The following PPP1R9A variants were observed in gnomAD, a reference collection of about 807,000 sequenced individuals.
PPP1R9A encodes protein phosphatase 1 regulatory subunit 9A, also known as neurabin-1.
PPP1R9A carries 59 observed loss-of-function variants against 141.9 expected under a neutral mutation model. The ratio of observed to expected loss-of-function variants is 0.42; its 90% confidence interval spans 0.34 to 0.52. The LOEUF (loss-of-function observed/expected upper bound fraction) is 0.52, where lower values mean the gene tolerates loss of function less well. PPP1R9A is among the 20% of genes least tolerant of loss of function. PPP1R9A has a pLI of 0.10. For synonymous variants in PPP1R9A, 500 were observed against 569.7 expected, an observed-to-expected ratio of 0.88 and a Z score of 1.74; for missense variants, 1,444 against 1,611.9, an observed-to-expected ratio of 0.90 and a Z score of 1.78.
At chr7:94,918,350 T>G (rs1792346545) in intron 2 of PPP1R9A, among the ~76,000 whole-genome samples, 2 of 152,076 alleles carry the variant, frequency 1.3e-5, no homozygotes, top group African/African-American at 2.4e-5. Context: ...TTTCAGCTTC[T>G]GCTTGAATAA....
chr7:95,287,194 G>A (rs1585649165), intron 18 of PPP1R9A: 29 of 1,563,350 alleles, frequency 1.9e-5, no homozygotes, highest in Admixed American at 1.2e-4. Context: ...GTGTTTTTTC[G>A]CTCTTTGGAG....
intron 2 of PPP1R9A, among the ~76,000 whole-genome samples, chr7:94,937,849 T>A (rs1283974586): frequency 6.6e-6 from 1 of 152,198 alleles, no homozygotes; most frequent in Admixed American, 6.5e-5. Context: ...GAAGATAGTA[T>A]TCTATATTAA....
At chr7:94,950,144 T>C (rs1215534937) in intron 2 of PPP1R9A, among the ~76,000 whole-genome samples, 1 of 152,112 alleles carries the variant, frequency 6.6e-6, no homozygotes, top group Non-Finnish European at 1.5e-5. Flanking sequence ...TCTTCAGTAA[T>C]GTATACCTTT....
chr7:95,069,288 G>A (rs961741852), intron 2 of PPP1R9A, among the ~76,000 whole-genome samples: 29 of 152,026 alleles, frequency 1.9e-4, no homozygotes, highest in African/African-American at 6.3e-4. Flanking sequence ...GAGGGCAGAG[G>A]ATTACACTTT....
chr7:95,252,306 ATACTT>A (rs1045690826), intron 12 of PPP1R9A, among the ~76,000 whole-genome samples, 176 bp downstream of exon 12: 3 of 152,142 alleles, frequency 2.0e-5, no homozygotes, highest in African/African-American at 2.4e-5. Context: ...TCAAAAATAA[ATACTT>A]TAATATGTAG....
intron 4 of PPP1R9A, chr7:95,155,815 AG>A (rs1302342249): frequency 6.6e-6 from 1 of 152,260 alleles, no homozygotes. Flanking sequence ...AGAATAATAT[AG>A]CTAAGTTACA....
chr7:95,035,629 A>T (rs1182424891), intron 2 of PPP1R9A: 2 of 152,192 alleles, frequency 1.3e-5, no homozygotes, highest in African/African-American at 4.8e-5. Flanking sequence ...CTTTTGGTCC[A>T]TATTAGATTT....
rs1795091491 is a variant in PPP1R9A, at chr7:95,225,965, G to A, written c.1961G>A (p.Gly654Glu). 3 of 1,602,754 alleles carry A rather than the reference G, an allele frequency of 1.9e-6. No homozygotes were observed. Among genetic ancestry groups the A allele is most frequent in the South Asian group, 2.2e-5 (2 of 90,316 alleles). ...NNNNNYFLKT[G>E]EYATDEEEDE... is the part of the protein sequence containing the mutation. ...CTGAAATCCCCTTCCTTTCAGACAG[G>A]AGAATATGCCACAGATGAAGAAGAA... Residue 654 changes from glycine to glutamate, a missense_variant, in exon 8 of 20, where the codon GGA becomes GAA. Transcript: ENST00000433360.
At chr7:95,205,004 C>T (rs1790478723) in intron 7 of PPP1R9A, among the ~76,000 whole-genome samples, 1 of 150,722 alleles carries the variant, frequency 6.6e-6, no homozygotes, top group South Asian at 2.1e-4. Context: ...ACACCATACA[C>T]ACCACACACA....
intron 2 of PPP1R9A, among the ~76,000 whole-genome samples, chr7:94,963,274 G>T (rs1797835309): frequency 6.6e-6 from 1 of 152,090 alleles, no homozygotes; most frequent in African/African-American, 2.4e-5. Context: ...GCATGGAAAT[G>T]AAAACCCTTT....
intron 2 of PPP1R9A, among the ~76,000 whole-genome samples, chr7:95,096,148 C>T (rs1584663723): frequency 6.6e-6 from 1 of 152,136 alleles, no homozygotes; most frequent in Non-Finnish European, 1.5e-5. Context: ...GACCAGAACA[C>T]TGTGGAAATA....
intron 7 of PPP1R9A, among the ~76,000 whole-genome samples, chr7:95,223,835 T>G (rs1794783204): frequency 6.6e-6 from 1 of 152,038 alleles, no homozygotes; most frequent in Admixed American, 6.6e-5. Flanking sequence ...TAAAAACAAG[T>G]ACACAGTTTT....
intron 3 of PPP1R9A, among the ~76,000 whole-genome samples, chr7:95,115,773 C>A (rs2152462267): frequency 6.6e-6 from 1 of 151,644 alleles, no homozygotes; most frequent in East Asian, 1.9e-4. Flanking sequence ...AAAAATTAGC[C>A]CGGCGTGGTG....
rs920153324 is a variant in PPP1R9A, at chr7:95,290,494, T to C, written c.*191T>C. 9 of 622,814 alleles carry C rather than the reference T, an allele frequency of 1.4e-5. No homozygotes were observed. Among genetic ancestry groups the C allele is most frequent in the African/African-American group, 1.1e-4 (6 of 54,374 alleles). 38.6% of individuals were successfully genotyped at this position (622,814 alleles called of 1,614,324 possible). ...GCACTCTTAATTTTAACTACTAAAA[T>C]AATCCCAAGCCACCTTTGGTTCATT... On this transcript the variant is annotated 3_prime_UTR_variant, in exon 20 of 20. Transcript: ENST00000433360.
chr7:94,993,579 A>G (rs1036789625), intron 2 of PPP1R9A, among the ~76,000 whole-genome samples: 5 of 152,064 alleles, frequency 3.3e-5, no homozygotes, highest in Admixed American at 6.5e-5. Context: ...AGTGCTTTCT[A>G]GTTTCTAGTG....
In PPP1R9A at chr7:95,247,402, T is replaced by C. The variant is rs369954890; in HGVS notation, c.2113-71T>C. The C allele has an allele frequency of 2.3e-6, 3 of 1,287,290 alleles. No homozygotes were observed. The African/African-American group carries it at 4.5e-5, about 19-fold the overall frequency. 79.7% of individuals were successfully genotyped at this position (1,287,290 alleles called of 1,614,324 possible). Reference sequence around the variant, plus strand: ...TTTACTATGTAATAAGGCATTCTTGTAGCTGCTGAGGCTTTACAAATATAG... The same window carrying C: ...TTTACTATGTAATAAGGCATTCTTGCAGCTGCTGAGGCTTTACAAATATAG... On this transcript the variant is annotated intron_variant, in intron 8 of 19. Coordinates refer to ENST00000433360, the MANE Select transcript of PPP1R9A (RefSeq NM_001166160.2).
intron 8 of PPP1R9A, among the ~76,000 whole-genome samples, chr7:95,245,705 C>A (rs1798031923): frequency 6.6e-6 from 1 of 152,134 alleles, no homozygotes; most frequent in East Asian, 1.9e-4. Flanking sequence ...AGGTTCCTTG[C>A]CAGGTGCACT....
intron 14 of PPP1R9A, among the ~76,000 whole-genome samples, chr7:95,273,080 A>C (rs1802469854): frequency 6.6e-6 from 1 of 152,168 alleles, no homozygotes; most frequent in Non-Finnish European, 1.5e-5. Context: ...CCACCTTGAC[A>C]TTGAACTCCA....
At chr7:95,180,010 A>C (rs761523105) in intron 5 of PPP1R9A, among the ~76,000 whole-genome samples, 4 of 152,186 alleles carry the variant, frequency 2.6e-5, no homozygotes, top group Non-Finnish European at 4.4e-5. Context: ...TTCTTCACAG[A>C]ATTAGGAAAA....
Sources: allele counts gnomAD v4.1 joint callset (sites outside exome capture counted in the v4.1 genomes callset), GRCh38; gene constraint gnomAD v4.1.1; transcripts MANE v1.5; gene names NCBI Gene and HGNC (gene_info 2026-07-23, HGNC 2026-07-21).